The following CDH12 variants were observed in gnomAD, a reference collection of about 807,000 sequenced individuals.
The protein encoded by CDH12 is cadherin-12.
Under a neutral mutation model 74.1 loss-of-function variants are expected in CDH12, and 41 were observed. That is an observed-to-expected ratio of 0.55 (90% CI 0.43 to 0.72). The LOEUF is 0.72. Ranked by LOEUF, CDH12 falls within the 30% of genes least tolerant of loss-of-function variation. The pLI, the probability that CDH12 is intolerant of heterozygous loss-of-function variation, is 0.00. For missense variants in CDH12, 945 were observed against 977.2 expected, an observed-to-expected ratio of 0.97 and a Z score of 0.44; for synonymous variants, 399 against 355.0, an observed-to-expected ratio of 1.12 and a Z score of -1.39.
chr5:21,995,219 A>C (rs1020197360), intron 5 of CDH12, among the ~76,000 whole-genome samples: 13 of 151,800 alleles, frequency 8.6e-5, no homozygotes, highest in Non-Finnish European at 1.5e-4. Flanking sequence ...ACCTACCGGA[A>C]GGAACCAATT....
chr5:21,925,870 C>T (rs1308397065), intron 6 of CDH12, among the ~76,000 whole-genome samples: 1 of 151,968 alleles, frequency 6.6e-6, no homozygotes, highest in Non-Finnish European at 1.5e-5. Flanking sequence ...TGAAAGCATG[C>T]TGTTATATCC....
At chr5:22,042,979 C>G (rs1486661109) in intron 5 of CDH12, among the ~76,000 whole-genome samples, 2 of 150,918 alleles carry the variant, frequency 1.3e-5, no homozygotes, top group South Asian at 2.1e-4. Flanking sequence ...AAAAGAAAAG[C>G]CTAGGACCTG....
At chr5:22,692,431 G>C (rs892912822) in intron 1 of CDH12, among the ~76,000 whole-genome samples, 2 of 152,060 alleles carry the variant, frequency 1.3e-5, no homozygotes, top group Admixed American at 6.6e-5. Context: ...ATTTAAGGTA[G>C]GCCTTTTGTT....
chr5:22,815,219 A>T (rs1749329828), intron 1 of CDH12, among the ~76,000 whole-genome samples: 1 of 152,158 alleles, frequency 6.6e-6, no homozygotes, highest in Admixed American at 6.5e-5. Context: ...AAGAAAAAAA[A>T]ATGTAATGCA....
intron 3 of CDH12, among the ~76,000 whole-genome samples, chr5:22,334,728 T>A (rs1739501239): frequency 6.6e-6 from 1 of 151,880 alleles, no homozygotes; most frequent in African/African-American, 2.4e-5. Context: ...TCAACAAAGG[T>A]GACAAGAACA....
intron 1 of CDH12, among the ~76,000 whole-genome samples, chr5:22,773,177 A>T (rs1746903671): frequency 6.6e-6 from 1 of 152,140 alleles, no homozygotes; most frequent in Admixed American, 6.6e-5. Flanking sequence ...TAGAATCAAA[A>T]AAGAGCCTGA....
At chr5:22,113,193 A>G (rs551971339) in intron 4 of CDH12, among the ~76,000 whole-genome samples, 1 of 152,268 alleles carries the variant, frequency 6.6e-6, no homozygotes, top group African/African-American at 2.4e-5. Context: ...AAAATATTTT[A>G]CCCCAAAACA....
intron 5 of CDH12, among the ~76,000 whole-genome samples, chr5:22,001,334 T>TG (rs112468508): frequency 0.3 from 44,915 of 151,894 alleles, 10,616 homozygotes; most frequent in African/African-American, 0.66. Flanking sequence ...AATCCTTCCA[T>TG]GTCACAGCAT....
intron 5 of CDH12, among the ~76,000 whole-genome samples, chr5:21,993,132 T>A (rs1405763622): frequency 1.3e-5 from 2 of 151,982 alleles, no homozygotes; most frequent in Non-Finnish European, 2.9e-5. Context: ...CAATTCGAGA[T>A]GAGATTGGCG....
intron 8 of CDH12, among the ~76,000 whole-genome samples, chr5:21,836,323 A>G (rs1438748681): frequency 1.1e-4 from 17 of 151,878 alleles, no homozygotes; most frequent in Non-Finnish European, 1.5e-5. Context: ...TTTAATCAAA[A>G]CAGAGAATTG....
At position 22,028,806 on chromosome 5, in the gene CDH12, C is replaced by A. The variant is rs1321352731; in HGVS notation, c.231+49640G>T. ...CAAAAAAGAGCCCGCATCATCAAGA[C>A]AAACCTAAGCCAAAAGAACAAAGCT... On this transcript the variant is annotated intron_variant, in intron 5 of 14. Transcript: ENST00000382254. Among the ~76,000 whole-genome samples, 6 of 152,310 alleles carry A rather than the reference C, an allele frequency of 3.9e-5. No individual in the cohort carries two copies. In the East Asian group the frequency reaches 1.2e-3, roughly 29 times the overall value.
At chr5:21,898,946 C>G (rs989527983) in intron 6 of CDH12, among the ~76,000 whole-genome samples, 1 of 152,022 alleles carries the variant, frequency 6.6e-6, no homozygotes, top group Non-Finnish European at 1.5e-5. Context: ...ATCTTCATGG[C>G]CCGAAACTCT....
intron 2 of CDH12, among the ~76,000 whole-genome samples, chr5:22,496,790 TCACCCTA>T (rs1381124875): frequency 6.6e-6 from 1 of 152,172 alleles, no homozygotes; most frequent in Non-Finnish European, 1.5e-5. Context: ...CTTCTTGTCT[TCACCCTA>T]CACTGACCAC....
chr5:21,751,640 G>GTGTGTGTGTC lies in CDH12; in HGVS notation c.*96_*97insGACACACACA, dbSNP rs1744069130. The stretch of plus-strand genomic sequence containing the variant: ...TGTGTGTGTGTGTGTGTTTGTGTGT[G>GTGTGTGTGTC]TGTGTGTGTGTGAGAGAGATTTCTA... On this transcript the variant is annotated 3_prime_UTR_variant, in exon 15 of 15. Coordinates refer to ENST00000382254, the MANE Select transcript of CDH12 (RefSeq NM_004061.5). 1.2e-6 allele frequency: 1 copy of GTGTGTGTGTC among 853,484 alleles called. No homozygotes were observed. The highest frequency in any genetic ancestry group is 1.9e-6 in the Non-Finnish European group (1 of 536,884). The allele number at this position is 853,484 out of a possible 1,614,324, so 52.9% of individuals were successfully genotyped here.
At chr5:22,122,547 T>C (rs7728985) in intron 4 of CDH12, among the ~76,000 whole-genome samples, 2,053 of 151,984 alleles carry the variant, frequency 0.014, 54 homozygotes, top group African/African-American at 0.047. Context: ...CTTTATCTTT[T>C]CCTCGTAGTA....
chr5:22,424,649 G>C (rs1354043056), intron 2 of CDH12, among the ~76,000 whole-genome samples: 2 of 152,126 alleles, frequency 1.3e-5, no homozygotes, highest in African/African-American at 4.8e-5. Flanking sequence ...CCCTCTTCAC[G>C]GACTCTTCAG....
chr5:22,069,134 A>G (rs75526262), intron 5 of CDH12, among the ~76,000 whole-genome samples: 1 of 152,318 alleles, frequency 6.6e-6, no homozygotes, highest in African/African-American at 2.4e-5. Context: ...AGAATGCCTT[A>G]TCTACCATCC....
intron 5 of CDH12, among the ~76,000 whole-genome samples, chr5:21,998,573 C>T (rs1173404566): frequency 1.3e-5 from 2 of 152,058 alleles, no homozygotes; most frequent in African/African-American, 2.4e-5. Context: ...TTAAAAATGT[C>T]TGTACAAAAT....
intron 6 of CDH12, among the ~76,000 whole-genome samples, chr5:21,927,844 C>G (rs1170771507): frequency 6.6e-6 from 1 of 151,646 alleles, no homozygotes; most frequent in Non-Finnish European, 1.5e-5. Context: ...CCGAGGCAAG[C>G]GGATCGTGAG....
Sources: gnomAD v4.1 joint callset for allele counts (sites outside exome capture counted in the v4.1 genomes callset) on GRCh38, gnomAD v4.1.1 for gene constraint, MANE v1.5 for transcripts, NCBI Gene and HGNC (gene_info 2026-07-23, HGNC 2026-07-21) for gene names.